The following LRFN2 variants were observed in gnomAD, a reference collection of about 807,000 sequenced individuals.
LRFN2 encodes leucine rich repeat and fibronectin type III domain containing 2.
LRFN2 carries 18 observed loss-of-function variants against 37.3 expected under a neutral mutation model. That is an observed-to-expected ratio of 0.48 (90% CI 0.33 to 0.72). The LOEUF (loss-of-function observed/expected upper bound fraction) is 0.72, where lower values mean the gene tolerates loss of function less well. LRFN2 is among the 30% of genes least tolerant of loss of function. LRFN2 has a pLI of 0.02. For synonymous variants in LRFN2, 556 were observed against 466.6 expected, an observed-to-expected ratio of 1.19 and a Z score of -2.47; for missense variants, 1,006 against 1,060.7, an observed-to-expected ratio of 0.95 and a Z score of 0.72.
Position 40,399,946 on chromosome 6 carries a change from C to T in LRFN2, c.1401-7034G>A, listed in dbSNP as rs1460483992. Among the ~76,000 whole-genome samples the T allele has an allele frequency of 1.3e-5, 2 of 151,766 alleles. 1 individual carries two copies. Among genetic ancestry groups the T allele is most frequent in the Non-Finnish European group, 2.9e-5 (2 of 67,906 alleles). ...ACTCCAGCTTTAGGAAACAATTTACCAGCTTCTCGGAATCACTCATCACTC... is the reference window on the plus strand; with the variant it reads ...ACTCCAGCTTTAGGAAACAATTTACTAGCTTCTCGGAATCACTCATCACTC... On this transcript the variant is annotated intron_variant, in intron 2 of 2. Transcript: ENST00000338305.
Position 40,431,957 on chromosome 6 carries a change from G to T in LRFN2, c.1157C>A (p.Thr386Asn). ...IVQLPHLSNSTSRTAPPKSRL... is the reference protein window; with the variant it reads ...IVQLPHLSNSNSRTAPPKSRL... Reference sequence around the variant, plus strand: ...GGACTTGGGGGGTGCAGTGCGGCTGGTGCTGTTGCTGAGGTGTGGCAGCTG... The same window carrying T: ...GGACTTGGGGGGTGCAGTGCGGCTGTTGCTGTTGCTGAGGTGTGGCAGCTG... Residue 386 changes from threonine (T) to asparagine (N), a missense_variant, in exon 2 of 3, where the codon ACC becomes AAC. By Grantham distance (65) the Thr-to-Asn change is moderately conservative. Coordinates refer to ENST00000338305, the MANE Select transcript of LRFN2 (RefSeq NM_020737.3). 1 of 1,613,660 alleles carries T rather than the reference G, an allele frequency of 6.2e-7. No individual in the cohort carries two copies. Among genetic ancestry groups the T allele is most frequent in the Non-Finnish European group, 8.5e-7 (1 of 1,180,030 alleles).
intron 1 of LRFN2, among the ~76,000 whole-genome samples, chr6:40,480,197 T>C (rs1176895882): frequency 1.3e-5 from 2 of 152,246 alleles, no homozygotes; most frequent in African/African-American, 4.8e-5. Flanking sequence ...GATGGCTCCA[T>C]TTACATGGCT....
At chr6:40,568,383 A>G (rs1307873290) in intron 1 of LRFN2, among the ~76,000 whole-genome samples, 1 of 152,188 alleles carries the variant, frequency 6.6e-6, no homozygotes, top group Non-Finnish European at 1.5e-5. Context: ...GGAAATTGAG[A>G]CAGCAGCTTC....
At position 40,392,253 on chromosome 6, in the gene LRFN2, G is replaced by A; in HGVS notation, c.2060C>T (p.Ser687Leu). 3 of 1,583,956 alleles carry A rather than the reference G, an allele frequency of 1.9e-6. No individual in the cohort carries two copies. Among genetic ancestry groups the A allele is most frequent in the African/African-American group, 1.3e-5 (1 of 74,280 alleles). Residue 687 changes from serine (S) to leucine (L), a missense_variant, in exon 3 of 3, where the codon TCG becomes TTG. Physicochemically the swap from Ser to Leu is moderately radical, Grantham distance 145. This residue lies in a region of LRFN2 where 398 missense variants were observed against 327.6 expected (regional missense o/e 1.21). Transcript: ENST00000338305. This position sits in a 1 kb window ranked among gnomAD's most constrained non-coding sequence, Gnocchi z 4.7. ...TCGGTCCGAGTGGTGGCCCCGGGCC[G>A]ACGTCCCAGCCCCTCTCCCGGCTGG... is the stretch of plus-strand genomic sequence containing the variant. ...RTPAGRGAGTSARGHHSDREP... is the reference protein window; with the variant it reads ...RTPAGRGAGTLARGHHSDREP...
intron 1 of LRFN2, among the ~76,000 whole-genome samples, chr6:40,494,992 A>T (rs1206895622): frequency 1.3e-5 from 2 of 152,210 alleles, no homozygotes; most frequent in African/African-American, 2.4e-5. Flanking sequence ...GGTTAAACCC[A>T]ATCATCCATC....
intron 1 of LRFN2, among the ~76,000 whole-genome samples, chr6:40,458,696 C>T (rs1025619896): frequency 6.6e-6 from 1 of 152,182 alleles, no homozygotes; most frequent in Non-Finnish European, 1.5e-5. Context: ...GGAAAGTGTG[C>T]AGCAGTGATG....
In LRFN2 at chr6:40,494,035, AG is replaced by A. The variant is rs554524569; in HGVS notation, c.-18-60905del. Among the ~76,000 whole-genome samples the A allele has an allele frequency of 2.0e-3, 311 of 152,360 alleles. 1 individual carries two copies. The highest frequency in any genetic ancestry group is 7.1e-3 in the African/African-American group (295 of 41,576). ...GGACCTCCCCTAGGGACAGTCAGAG[AG>A]GAGCTTCTTGCTAATGTCTTGGTCA... On this transcript the variant is annotated intron_variant, in intron 1 of 2. Coordinates refer to ENST00000338305, the MANE Select transcript of LRFN2 (RefSeq NM_020737.3).
At chr6:40,509,848 G>A (rs1335247103) in intron 1 of LRFN2, among the ~76,000 whole-genome samples, 1 of 151,942 alleles carries the variant, frequency 6.6e-6, no homozygotes, top group Admixed American at 6.5e-5. Flanking sequence ...AGAGCTGAGT[G>A]CACGCATGTG....
intron 1 of LRFN2, among the ~76,000 whole-genome samples, chr6:40,548,530 C>T (rs542063642): frequency 1.3e-5 from 2 of 152,188 alleles, no homozygotes; most frequent in African/African-American, 4.8e-5. Context: ...AAATGAAAGC[C>T]ATCAGCACTT....
At chr6:40,420,178 C>T (rs556977701) in intron 2 of LRFN2, among the ~76,000 whole-genome samples, 1 of 152,222 alleles carries the variant, frequency 6.6e-6, no homozygotes, top group Admixed American at 6.5e-5. Flanking sequence ...TTAACGAGCT[C>T]GTTCATCCAC....
intron 1 of LRFN2, among the ~76,000 whole-genome samples, chr6:40,526,138 T>G (rs956492114): frequency 3.3e-5 from 5 of 152,152 alleles, no homozygotes; most frequent in African/African-American, 1.2e-4. Flanking sequence ...GCAACAAGAG[T>G]GCTACTGCTG....
At chr6:40,462,708 A>G (rs978828572) in intron 1 of LRFN2, among the ~76,000 whole-genome samples, 5 of 152,216 alleles carry the variant, frequency 3.3e-5, no homozygotes. Flanking sequence ...AATCTTCACA[A>G]TAATCCTACA....
intron 2 of LRFN2, among the ~76,000 whole-genome samples, chr6:40,429,994 G>A (rs186323550): frequency 6.6e-6 from 1 of 152,108 alleles, no homozygotes; most frequent in Non-Finnish European, 1.5e-5. Context: ...GGGATTACAG[G>A]TAATTTTTAT....
chr6:40,448,634 A>G lies in LRFN2; in HGVS notation c.-18-15503T>C, dbSNP rs140415560. Among the ~76,000 whole-genome samples the G allele has an allele frequency of 2.2e-4, 34 of 152,302 alleles. No homozygotes were observed. In the East Asian group the frequency reaches 6.0e-3, roughly 27 times the overall value. On this transcript the variant is annotated intron_variant, in intron 1 of 2. Coordinates refer to ENST00000338305, the MANE Select transcript of LRFN2 (RefSeq NM_020737.3). ...TGAGAATTCTACACTGCCTTTACCAAAGGACCGAATCGCTAATGAATTTTT... is the reference window on the plus strand; with the variant it reads ...TGAGAATTCTACACTGCCTTTACCAGAGGACCGAATCGCTAATGAATTTTT...
At chr6:40,428,875 A>G (rs780197097) in intron 2 of LRFN2, among the ~76,000 whole-genome samples, 4 of 152,190 alleles carry the variant, frequency 2.6e-5, no homozygotes, top group Non-Finnish European at 2.9e-5. Context: ...AGAAGACTGA[A>G]TTGTATATCT....
chr6:40,430,347 A>T (rs1436839443), intron 2 of LRFN2, among the ~76,000 whole-genome samples: 1 of 152,172 alleles, frequency 6.6e-6, no homozygotes, highest in Non-Finnish European at 1.5e-5. Context: ...ATCAACTCAG[A>T]CAGTCAGAGC....
rs374018853 is a variant in LRFN2 at position 40,431,943 on chromosome 6, G to A, written c.1171C>T (p.Pro391Ser). Reference protein sequence around the residue: ...HLSNSTSRTAPPKSRLSDITG... With the variant: ...HLSNSTSRTASPKSRLSDITG... ...ATGTCTGAGAGGCGGGACTTGGGGG[G>A]TGCAGTGCGGCTGGTGCTGTTGCTG... The change falls in exon 2 of 3, where the codon CCC (proline) becomes TCC (serine). Residue 391 changes from proline to serine, a missense_variant. Coordinates refer to ENST00000338305, the MANE Select transcript of LRFN2 (RefSeq NM_020737.3). 29 of 1,613,590 alleles carry A rather than the reference G, an allele frequency of 1.8e-5. No homozygotes were observed. The African/African-American group carries it at 3.3e-4, about 19-fold the overall frequency.
intron 2 of LRFN2, among the ~76,000 whole-genome samples, chr6:40,402,194 C>T (rs1762753958): frequency 6.6e-6 from 1 of 152,312 alleles, no homozygotes; most frequent in Middle Eastern, 3.4e-3. Context: ...AGGAACTTGA[C>T]AGGCAGAGTC....
chr6:40,558,597 T>G (rs1460778085), intron 1 of LRFN2, among the ~76,000 whole-genome samples: 1 of 151,868 alleles, frequency 6.6e-6, no homozygotes, highest in Non-Finnish European at 1.5e-5. Context: ...GAGAAGAGAG[T>G]TCCTGACCTT....
Sources: gnomAD v4.1 joint callset for allele counts (sites outside exome capture counted in the v4.1 genomes callset) on GRCh38, gnomAD v4.1.1 for gene constraint, gnomAD v4.1.1 regional missense constraint, Gnocchi (gnomAD v3.1) non-coding constraint, MANE v1.5 for transcripts, NCBI Gene and HGNC (gene_info 2026-07-23, HGNC 2026-07-21) for gene names.